The following HTR2A variants were observed in gnomAD, a reference collection of about 807,000 sequenced individuals.
HTR2A encodes the protein 5-hydroxytryptamine receptor 2A.
Under a neutral mutation model 31.0 loss-of-function variants are expected in HTR2A, and 14 were observed. The ratio of observed to expected loss-of-function variants is 0.45; its 90% CI spans 0.30 to 0.71. The LOEUF is 0.71. Ranked by LOEUF, HTR2A falls within the 30% of genes least tolerant of loss-of-function variation. The pLI is 0.09. For missense variants in HTR2A, 442 were observed against 573.3 expected (o/e 0.77, Z 2.34); for synonymous variants, 209 against 225.2 (o/e 0.93, Z 0.64).
chr13:46,877,402 C>T (rs1477864460), intron 3 of HTR2A, among the ~76,000 whole-genome samples: 1 of 152,124 alleles, frequency 6.6e-6, no homozygotes, highest in Admixed American at 6.5e-5. Context: ...TTCATAATTA[C>T]AACACAGTGA....
In HTR2A at chr13:46,866,657, T is replaced by C. The variant is rs558640358; in HGVS notation, c.613+25733A>G. On this transcript the variant is annotated intron_variant, in intron 3 of 3. Coordinates refer to ENST00000542664, the MANE Select transcript of HTR2A (RefSeq NM_000621.5). ...ATCAGTGAACTAGACTAAAAACTTC[T>C]ACCCTCATGGAATTTACATTTTCAG... is the stretch of plus-strand genomic sequence containing the variant. 2.0e-3 allele frequency among the ~76,000 whole-genome samples: 311 copies of C among 152,348 alleles called. 1 individual carries two copies. Among genetic ancestry groups the C allele is most frequent in the Admixed American group, 4.6e-3 (71 of 15,306 alleles).
chr13:46,841,617 C>T (rs1950597757), intron 3 of HTR2A, among the ~76,000 whole-genome samples: 1 of 152,100 alleles, frequency 6.6e-6, no homozygotes, highest in East Asian at 1.9e-4. Flanking sequence ...TCTCTGTAAG[C>T]AGTTGTGCAC....
At chr13:46,866,602 G>C (rs1211546810) in intron 3 of HTR2A, among the ~76,000 whole-genome samples, 3 of 152,190 alleles carry the variant, frequency 2.0e-5, no homozygotes, top group African/African-American at 4.8e-5. Flanking sequence ...CAAATATTGA[G>C]TTAGGTACTG....
In HTR2A at chr13:46,896,935, A is replaced by G. The variant is rs566537279; in HGVS notation, c.-590T>C. Reference sequence around the variant, plus strand: ...CCCTGTGCGGCTCGCCTCAGCAGGCACACATTTAGAAATCATTCACGAGCC... The same window carrying G: ...CCCTGTGCGGCTCGCCTCAGCAGGCGCACATTTAGAAATCATTCACGAGCC... On this transcript the variant is annotated 5_prime_UTR_variant, in exon 1 of 4. Transcript: ENST00000542664. 7.5e-6 allele frequency: 7 copies of G among 932,056 alleles called. No individual in the cohort carries two copies. The East Asian group carries it at 1.1e-4, about 14-fold the overall frequency. 57.7% of individuals were successfully genotyped at this position (932,056 alleles called of 1,614,324 possible). A position where few individuals can be genotyped will look rare whatever the true frequency, so the allele number is the denominator to read the frequency against.
At position 46,872,087 on chromosome 13, in the gene HTR2A, C is replaced by T. The variant is rs532369499; in HGVS notation, c.613+20303G>A. On this transcript the variant is annotated intron_variant, in intron 3 of 3. Coordinates refer to ENST00000542664, the MANE Select transcript of HTR2A (RefSeq NM_000621.5). The stretch of plus-strand genomic sequence containing the variant: ...AAATATGAGAAGGTACTTTTTTACT[C>T]TGACCAATTTGGAATGAAAACTACA... Among the ~76,000 whole-genome samples the T allele has an allele frequency of 2.0e-5, 3 of 152,266 alleles. No homozygotes were observed. The East Asian group carries it at 5.8e-4, about 29-fold the overall frequency.
rs1950958353 is a variant in HTR2A at position 46,881,115 on chromosome 13, G to A, written c.613+11275C>T. ...ACCGAGGACATGTCTTTCAAGAGCA[G>A]AGGTTTTCGTGATATTTTACCGTAT... On this transcript the variant is annotated intron_variant, in intron 3 of 3. Transcript: ENST00000542664. Among the ~76,000 whole-genome samples, 3 of 152,330 alleles carry A rather than the reference G, an allele frequency of 2.0e-5. 1 individual carries two copies. The South Asian group carries it at 6.2e-4, about 32-fold the overall frequency.
Position 46,897,037 on chromosome 13 carries a change from G to C in HTR2A, c.-692C>G. 1 of 561,468 alleles carries C rather than the reference G, an allele frequency of 1.8e-6. No homozygotes were observed. Among genetic ancestry groups the C allele is most frequent in the Non-Finnish European group, 3.1e-6 (1 of 321,028 alleles). The allele number at this position is 561,468 out of a possible 1,614,324, so 34.8% of individuals were successfully genotyped here. A position where few individuals can be genotyped will look rare whatever the true frequency, so the allele number is the denominator to read the frequency against. On this transcript the variant is annotated 5_prime_UTR_variant, in exon 1 of 4. Coordinates refer to ENST00000542664, the MANE Select transcript of HTR2A (RefSeq NM_000621.5). ...ACCAAGGGACTCCTGGTTTCCACGGGAATGGAGTAGCTCTCTGACTGTCTC... is the reference window on the plus strand; with the variant it reads ...ACCAAGGGACTCCTGGTTTCCACGGCAATGGAGTAGCTCTCTGACTGTCTC...
intron 3 of HTR2A, among the ~76,000 whole-genome samples, chr13:46,844,522 C>T (rs1950624720): frequency 6.6e-6 from 1 of 152,186 alleles, no homozygotes; most frequent in South Asian, 2.1e-4. Context: ...GAGCTGACCA[C>T]CTTAACAGCT....
chr13:46,872,414 A>G (rs1188953622), intron 3 of HTR2A, among the ~76,000 whole-genome samples: 1 of 152,246 alleles, frequency 6.6e-6, no homozygotes, highest in Non-Finnish European at 1.5e-5. Flanking sequence ...CATTAGTTTA[A>G]TACTTTGCAT....
intron 3 of HTR2A, among the ~76,000 whole-genome samples, chr13:46,843,668 A>G (rs1950617957): frequency 6.6e-6 from 1 of 152,120 alleles, no homozygotes; most frequent in East Asian, 1.9e-4. Context: ...GGAAGGGGCA[A>G]TCTAAACGGC....
At chr13:46,861,788 T>G (rs1950780383) in intron 3 of HTR2A, among the ~76,000 whole-genome samples, 1 of 152,210 alleles carries the variant, frequency 6.6e-6, no homozygotes, top group Non-Finnish European at 1.5e-5. Context: ...GAGATCATTT[T>G]TACCTATCTT....
rs78138491 is a variant in HTR2A, at chr13:46,859,499, T to G, written c.614-23860A>C. 3.5e-3 allele frequency among the ~76,000 whole-genome samples: 535 copies of G among 152,286 alleles called. 5 individuals are homozygous for G. Among genetic ancestry groups the G allele is most frequent in the African/African-American group, 0.012 (510 of 41,564 alleles). On this transcript the variant is annotated intron_variant, in intron 3 of 3. Coordinates refer to ENST00000542664, the MANE Select transcript of HTR2A (RefSeq NM_000621.5). ...TCCTGTGAAATTATAATCTCCAATG[T>G]GGAGGTGGGGCTGGTGGGAGGTGAC...
intron 3 of HTR2A, among the ~76,000 whole-genome samples, chr13:46,860,193 T>A (rs1950769352): frequency 6.6e-6 from 1 of 152,220 alleles, no homozygotes; most frequent in Non-Finnish European, 1.5e-5. Context: ...TTGGTTGGTG[T>A]CTGTGCTGTA....
chr13:46,855,069 C>G (rs530648788), intron 3 of HTR2A, among the ~76,000 whole-genome samples: 1 of 152,124 alleles, frequency 6.6e-6, no homozygotes, highest in Non-Finnish European at 1.5e-5. Context: ...TAATGTCCCC[C>G]CAGAGCTAAG....
At chr13:46,884,952 A>C (rs556343217) in intron 3 of HTR2A, among the ~76,000 whole-genome samples, 55 of 152,148 alleles carry the variant, frequency 3.6e-4, no homozygotes, top group Non-Finnish European at 6.9e-4. Context: ...TCCTTCACTT[A>C]AATATCAAAT....
At chr13:46,877,581 A>T (rs979026223) in intron 3 of HTR2A, among the ~76,000 whole-genome samples, 2 of 152,214 alleles carry the variant, frequency 1.3e-5, no homozygotes, top group African/African-American at 4.8e-5. Flanking sequence ...TTTTATATGC[A>T]GGTGTACCTG....
At position 46,832,047 on chromosome 13, in the gene HTR2A, G is replaced by A. The variant is rs963318667; in HGVS notation, c.*2790C>T. ...TCAGAAAATTGCCAGACTAAACAAA[G>A]GGCCCAAAGGTACCATTTTATTTAG... On this transcript the variant is annotated 3_prime_UTR_variant, in exon 4 of 4. Coordinates refer to ENST00000542664, the MANE Select transcript of HTR2A (RefSeq NM_000621.5). The A allele has an allele frequency of 2.6e-5, 4 of 152,144 alleles. No homozygotes were observed. The highest frequency in any genetic ancestry group is 5.9e-5 in the Non-Finnish European group (4 of 68,032). 9.4% of individuals were successfully genotyped at this position (152,144 alleles called of 1,614,324 possible).
chr13:46,890,198 C>G (rs1289550471), intron 3 of HTR2A, among the ~76,000 whole-genome samples: 1 of 152,172 alleles, frequency 6.6e-6, no homozygotes, highest in African/African-American at 2.4e-5. Context: ...GCAAAATTAG[C>G]CGGGCGTGGT....
chr13:46,869,351 T>C (rs1161874959), intron 3 of HTR2A, among the ~76,000 whole-genome samples: 1 of 152,122 alleles, frequency 6.6e-6, no homozygotes. Context: ...CAGTAGTCAT[T>C]AGGGAAATGC....
Sources: gnomAD v4.1 joint callset for allele counts (sites outside exome capture counted in the v4.1 genomes callset) on GRCh38, gnomAD v4.1.1 for gene constraint, MANE v1.5 for transcripts, NCBI Gene and HGNC (gene_info 2026-07-23, HGNC 2026-07-21) for gene names.